Variants in SIGLEC9 observed in about 807,000 individuals in gnomAD.
The protein encoded by SIGLEC9 is sialic acid-binding Ig-like lectin 9.
Under a neutral mutation model 38.3 loss-of-function variants are expected in SIGLEC9, and 26 were observed. That is an observed-to-expected ratio of 0.68 (90% CI 0.50 to 0.94). The LOEUF is 0.94. Ranked by LOEUF, SIGLEC9 falls within the 40% of genes least tolerant of loss-of-function variation. The pLI, the probability that SIGLEC9 is intolerant of heterozygous loss-of-function variation, is 0.00. For synonymous variants in SIGLEC9, 236 were observed against 248.0 expected (o/e 0.95, Z 0.45); for missense variants, 556 against 585.7 (o/e 0.95, Z 0.52).
Position 51,125,805 on chromosome 19 carries a change from C to A in SIGLEC9, c.630C>A (p.Ser210Arg), listed in dbSNP as rs776544807. The change falls in exon 2 of 7, where the codon AGC becomes AGA. Residue 210 changes from serine (S) to arginine (R), a missense_variant. Ser to Arg is a moderately radical substitution (Grantham distance 110). Transcript: ENST00000250360. ...CACAGCCCCAGGACCATGGCACCAGCCTCACCTGTCAGGTGACCTTCCCTG... is the reference window on the plus strand; with the variant it reads ...CACAGCCCCAGGACCATGGCACCAGACTCACCTGTCAGGTGACCTTCCCTG... ...LIPQPQDHGT[S>R]LTCQVTFPGA... The A allele has an allele frequency of 1.9e-6, 3 of 1,614,032 alleles. No individual in the cohort carries two copies. Among genetic ancestry groups the A allele is most frequent in the African/African-American group, 2.7e-5 (2 of 74,926 alleles).
chr19:51,127,186 C>T lies in SIGLEC9; in HGVS notation c.905C>T (p.Pro302Leu), dbSNP rs373039771. Residue 302 changes from proline to leucine, a missense_variant, in exon 4 of 7, where the codon CCG (proline) becomes CTG (leucine). Transcript: ENST00000250360. ...LTLCPSQPSN[P>L]GVLELPWVHL... ...CTGTGCCCCTCACAGCCCTCAAACC[C>T]GGGGGTGCTGGAGCTGCCTTGGGTG... 132 of 1,614,258 alleles carry T rather than the reference C, an allele frequency of 8.2e-5. 1 individual carries two copies. Among genetic ancestry groups the T allele is most frequent in the East Asian group, 6.7e-4 (30 of 44,882 alleles).
At chr19:51,134,147 C>CTTTTT (rs71185802), downstream of SIGLEC9, among the ~76,000 whole-genome samples, 56 of 66,524 alleles carry the variant, frequency 8.4e-4, 1 homozygote, top group Non-Finnish European at 1.2e-3. Flanking sequence ...TCTTTCTTTT[C>CTTTTT]TTTTTTTTTT....
At chr19:51,121,375 C>A (rs114785965), upstream of SIGLEC9, among the ~76,000 whole-genome samples, 2,496 of 151,928 alleles carry the variant, frequency 0.016, 68 homozygotes, top group African/African-American at 0.057. Flanking sequence ...CTACTTTCTG[C>A]CCCTTGATCC....
At chr19:51,120,296 T>TA (rs2091948086), upstream of SIGLEC9, 1 of 152,172 alleles carries the variant, frequency 6.6e-6, no homozygotes, top group Non-Finnish European at 1.5e-5. The surrounding 1 kb of genome is among the most constrained non-coding windows in gnomAD (Gnocchi z 4.1). Flanking sequence ...TTACATGAAA[T>TA]ACAGTTACGG....
At position 51,125,202 on chromosome 19, in the gene SIGLEC9, AAAC is replaced by A. The variant is rs1304689785; in HGVS notation, c.232_234del (p.Asn78del). The stretch of plus-strand genomic sequence containing the variant: ...CAGACCAGGATGCTCCAGTGGCCAC[AAAC>A]AACCCAGCTCGGGCAGTGTGGGAGG... On this transcript the variant is annotated inframe_deletion, in exon 1 of 7. Transcript: ENST00000250360. 6.2e-7 allele frequency: 1 copy of A among 1,614,100 alleles called. No individual in the cohort carries two copies.
At position 51,127,088 on chromosome 19, in the gene SIGLEC9, C is replaced by A. The variant is rs1568611940; in HGVS notation, c.807C>A (p.Arg269=). Residue 269 remains arginine (R), a synonymous_variant, in exon 4 of 7, where the codon CGC becomes CGA. Coordinates refer to ENST00000250360, the MANE Select transcript of SIGLEC9 (RefSeq NM_014441.3). ...CACTCCCAGAGGGCCAGTCTCTGCG[C>A]CTGGTCTGTGCAGTTGATGCAGTTG... ...SLSLPEGQSL[R]LVCAVDAVDS... The A allele has an allele frequency of 6.2e-6, 10 of 1,614,110 alleles. No individual in the cohort carries two copies. The highest frequency in any genetic ancestry group is 8.5e-6 in the Non-Finnish European group (10 of 1,180,034).
downstream of SIGLEC9, among the ~76,000 whole-genome samples, chr19:51,133,294 C>G (rs1436856771): frequency 6.6e-6 from 1 of 151,752 alleles, no homozygotes; most frequent in Non-Finnish European, 1.5e-5. Flanking sequence ...GGTAGGTGGT[C>G]GGGCGCGGTG....
chr19:51,126,203 C>T lies in SIGLEC9; in HGVS notation c.748+75C>T, dbSNP rs2091978465. 2.8e-6 allele frequency: 4 copies of T among 1,412,062 alleles called. No individual in the cohort carries two copies. The South Asian group carries it at 4.6e-5, about 16-fold the overall frequency. The allele number at this position is 1,412,062 out of a possible 1,614,324, so 87.5% of individuals were successfully genotyped here. ...AGGATGGGGCTGGCTTATTCCTCAA[C>T]CTGGACTCACTTTGGCAAACAGGGA... On this transcript the variant is annotated intron_variant, in intron 3 of 6. Coordinates refer to ENST00000250360, the MANE Select transcript of SIGLEC9 (RefSeq NM_014441.3).
At chr19:51,126,279 C>A in intron 3 of SIGLEC9, 151 bp downstream of exon 3, 1 of 746,468 alleles carries the variant, frequency 1.3e-6, no homozygotes, top group Non-Finnish European at 2.3e-6. Context: ...GCCCCAAGGC[C>A]ACTTGTTCCC....
Position 51,125,792 on chromosome 19 carries a change from A to G in SIGLEC9, c.617A>G (p.Asp206Gly), listed in dbSNP as rs1271839685. The change falls in exon 2 of 7, where the codon GAC (aspartate) becomes GGC (glycine). Residue 206 changes from aspartate to glycine, a missense_variant. Coordinates refer to ENST00000250360, the MANE Select transcript of SIGLEC9 (RefSeq NM_014441.3). ...SVLTLIPQPQ[D>G]HGTSLTCQVT... is the part of the protein sequence containing the mutation. ...CTCACCCTCATCCCACAGCCCCAGG[A>G]CCATGGCACCAGCCTCACCTGTCAG... 6.2e-7 allele frequency: 1 copy of G among 1,614,044 alleles called. No homozygotes were observed.
At chr19:51,124,669 G>A (rs566176348), upstream of SIGLEC9, among the ~76,000 whole-genome samples, 1 of 152,282 alleles carries the variant, frequency 6.6e-6, no homozygotes, top group African/African-American at 2.4e-5. Context: ...CTAAGGGGAA[G>A]GGCATTGAGA....
chr19:51,126,534 C>G lies in SIGLEC9; in HGVS notation c.748+406C>G, dbSNP rs536922354. 4.6e-5 allele frequency among the ~76,000 whole-genome samples: 7 copies of G among 152,326 alleles called. No individual in the cohort carries two copies. In the South Asian group the frequency reaches 8.3e-4, roughly 18 times the overall value. On this transcript the variant is annotated intron_variant, in intron 3 of 6. Transcript: ENST00000250360. ...AAGGCTCTCCTCCGATGCCTGCCCC[C>G]CTCCCCAGAACCAACCACTGTCCAT...
At chr19:51,126,930 C>A in intron 3 of SIGLEC9, 100 bp from the exon 4 acceptor site, 1 of 1,055,422 alleles carries the variant, frequency 9.5e-7, no homozygotes, top group Non-Finnish European at 1.4e-6. Flanking sequence ...GAACTTCAGT[C>A]TATGTCTGTG....
intron 3 of SIGLEC9, 59 bp downstream of exon 3, chr19:51,126,187 C>G: frequency 1.3e-6 from 2 of 1,509,362 alleles, no homozygotes; most frequent in Non-Finnish European, 1.8e-6. Flanking sequence ...CAGGATGGGG[C>G]TGGCTTATTC....
Position 51,125,756 on chromosome 19 carries a change from G to A in SIGLEC9, c.581G>A (p.Arg194His), listed in dbSNP as rs780555801. 6.2e-6 allele frequency: 10 copies of A among 1,607,018 alleles called. No individual in the cohort carries two copies. The Admixed American group carries it at 6.7e-5, about 11-fold the overall frequency. ...TCCCCCCTGGACCCCTCCACCACCC[G>A]CTCCTCGGTGCTCACCCTCATCCCA... Reference protein sequence around the residue: ...SVSPLDPSTTRSSVLTLIPQP... With the variant: ...SVSPLDPSTTHSSVLTLIPQP... The change falls in exon 2 of 7, where the codon CGC becomes CAC. Residue 194 changes from arginine (R) to histidine (H), a missense_variant. By Grantham distance (29) the Arg-to-His change is conservative (BLOSUM62 0). Transcript: ENST00000250360.
At chr19:51,121,466 C>T (rs1283302325), upstream of SIGLEC9, among the ~76,000 whole-genome samples, 7 of 152,126 alleles carry the variant, frequency 4.6e-5, no homozygotes, top group Non-Finnish European at 1.0e-4. Flanking sequence ...CCCTTTTCAT[C>T]CACTGTACTC....
intron 6 of SIGLEC9, among the ~76,000 whole-genome samples, chr19:51,129,284 G>A (rs1257298941): frequency 1.3e-5 from 2 of 151,798 alleles, no homozygotes; most frequent in Non-Finnish European, 2.9e-5. Context: ...TCAGCCTCCG[G>A]AGTAGCTGGG....
downstream of SIGLEC9, among the ~76,000 whole-genome samples, chr19:51,131,972 C>A (rs1395163386): frequency 6.6e-6 from 1 of 151,968 alleles, no homozygotes; most frequent in Non-Finnish European, 1.5e-5. Context: ...TTTGGCCCTG[C>A]CAAGCCTCCT....
At chr19:51,136,043 C>T (rs1435401885) in exon 7 of SIGLEC9, 3 of 703,772 alleles carry the variant, frequency 4.3e-6, no homozygotes, top group South Asian at 3.0e-5. Context: ...TCTTTGTTGC[C>T]ATCCAGATTC....
Sources: gnomAD v4.1 joint callset for allele counts (sites outside exome capture counted in the v4.1 genomes callset) on GRCh38, gnomAD v4.1.1 for gene constraint, Gnocchi (gnomAD v3.1) non-coding constraint, MANE v1.5 for transcripts, NCBI Gene and HGNC (gene_info 2026-07-23, HGNC 2026-07-21) for gene names.